Variants in SNX8 observed in about 807,000 individuals in gnomAD.
SNX8 encodes the protein sorting nexin 8.
Under a neutral mutation model 51.6 loss-of-function variants are expected in SNX8, and 25 were observed. The ratio of observed to expected loss-of-function variants is 0.48; its 90% CI spans 0.35 to 0.68. The LOEUF (loss-of-function observed/expected upper bound fraction) is 0.68. Ranked by LOEUF, SNX8 falls within the 30% of genes least tolerant of loss-of-function variation. SNX8 has a pLI of 0.00. For missense variants in SNX8, 695 were observed against 624.0 expected (o/e 1.11, Z -1.21); for synonymous variants, 324 against 277.0 (o/e 1.17, Z -1.68).
intron 1 of SNX8, among the ~76,000 whole-genome samples, chr7:2,289,208 T>C (rs1322435143): frequency 6.6e-6 from 1 of 152,134 alleles, no homozygotes; most frequent in East Asian, 1.9e-4. Flanking sequence ...CTCCCTCTGC[T>C]GCGGGGCATC....
chr7:2,286,442 C>T (rs1438085870), intron 1 of SNX8, among the ~76,000 whole-genome samples: 1 of 152,008 alleles, frequency 6.6e-6, no homozygotes, highest in African/African-American at 2.4e-5. Flanking sequence ...ATCCCTACAA[C>T]CTGTACACAT....
rs368885397 is a variant in SNX8, at chr7:2,257,789, C to G, written c.930G>C (p.Glu310Asp). 6.8e-6 allele frequency: 11 copies of G among 1,613,924 alleles called. No individual in the cohort carries two copies. The highest frequency in any genetic ancestry group is 9.3e-6 in the Non-Finnish European group (11 of 1,180,002). ...DKAAQQGKQEENDVVEKLNLF... is the reference protein window; with the variant it reads ...DKAAQQGKQEDNDVVEKLNLF... ...GGTTCAGCTTCTCCACCACGTCGTTCTCTTCCTGCTTACCCTGGAAGGCGA... is the reference window on the plus strand; with the variant it reads ...GGTTCAGCTTCTCCACCACGTCGTTGTCTTCCTGCTTACCCTGGAAGGCGA... The change falls in exon 8 of 11, where the codon GAG becomes GAC. Residue 310 changes from glutamate to aspartate, a missense_variant. By Grantham distance (45) the Glu-to-Asp change is conservative. Coordinates refer to ENST00000222990, the MANE Select transcript of SNX8 (RefSeq NM_013321.4).
At chr7:2,302,496 G>A (rs1185147050) in intron 1 of SNX8, among the ~76,000 whole-genome samples, 11 of 152,222 alleles carry the variant, frequency 7.2e-5, no homozygotes, top group Admixed American at 1.3e-4. Flanking sequence ...CCAAAGTGCC[G>A]AGATTGCAGC....
chr7:2,262,097 G>C (rs1335405668), intron 7 of SNX8, among the ~76,000 whole-genome samples: 1 of 152,202 alleles, frequency 6.6e-6, no homozygotes, highest in Non-Finnish European at 1.5e-5. Context: ...GTGTGCAGTG[G>C]CACCATCATG....
chr7:2,276,537 T>G (rs912698762), intron 2 of SNX8, among the ~76,000 whole-genome samples: 1 of 151,680 alleles, frequency 6.6e-6, no homozygotes, highest in African/African-American at 2.4e-5. Flanking sequence ...GTGCAGTGGC[T>G]CATGCCTGTG....
At chr7:2,275,024 A>G (rs1313244223) in intron 3 of SNX8, 88 bp downstream of exon 3, 3 of 899,406 alleles carry the variant, frequency 3.3e-6, no homozygotes, top group Non-Finnish European at 5.6e-6. Flanking sequence ...CCCGGTCTAC[A>G]GTGGGGTCCA....
chr7:2,332,901 A>G (rs890383444), intron 1 of SNX8, among the ~76,000 whole-genome samples: 7 of 151,692 alleles, frequency 4.6e-5, no homozygotes, highest in Non-Finnish European at 1.0e-4. Flanking sequence ...AAAAGAAAGA[A>G]AGAAAAAAGG....
intron 1 of SNX8, among the ~76,000 whole-genome samples, chr7:2,338,783 C>T (rs1363328429): frequency 6.6e-6 from 1 of 152,140 alleles, no homozygotes; most frequent in Non-Finnish European, 1.5e-5. Context: ...AAAATACTGG[C>T]AGGGTGTGGT....
In SNX8 at chr7:2,264,279, A is replaced by C. The variant is rs1795408642; in HGVS notation, c.782+19T>G. The C allele has an allele frequency of 6.2e-7, 1 of 1,600,548 alleles. No homozygotes were observed. Among genetic ancestry groups the C allele is most frequent in the Non-Finnish European group, 8.5e-7 (1 of 1,170,556 alleles). On this transcript the variant is annotated intron_variant, in intron 6 of 10. Coordinates refer to ENST00000222990, the MANE Select transcript of SNX8 (RefSeq NM_013321.4). ...CGTCCCACCGCGCGTGCCCCTGCAG[A>C]AGCTGAAAGGTCACCTACCTTAGCT...
At chr7:2,351,608 G>A (rs1056820236) in intron 1 of SNX8, among the ~76,000 whole-genome samples, 4 of 151,756 alleles carry the variant, frequency 2.6e-5, no homozygotes, top group African/African-American at 4.8e-5. Flanking sequence ...CAAGGCGGGC[G>A]GATCACGAGG....
chr7:2,342,945 C>T (rs962145076), intron 1 of SNX8, among the ~76,000 whole-genome samples: 1 of 151,820 alleles, frequency 6.6e-6, no homozygotes, highest in African/African-American at 2.4e-5. Flanking sequence ...GCCTCAGGCG[C>T]CCACCACCGG....
intron 3 of SNX8, among the ~76,000 whole-genome samples, chr7:2,273,463 G>T (rs1795696728): frequency 6.6e-6 from 1 of 151,574 alleles, no homozygotes; most frequent in African/African-American, 2.4e-5. Flanking sequence ...GCGGGCGCCT[G>T]TAGTCCCAGC....
intron 1 of SNX8, among the ~76,000 whole-genome samples, chr7:2,324,020 T>C (rs1340472015): frequency 6.6e-6 from 1 of 151,608 alleles, no homozygotes; most frequent in Admixed American, 6.6e-5. Flanking sequence ...CTTGGGAGGC[T>C]GAGGCAGGAT....
intron 5 of SNX8, among the ~76,000 whole-genome samples, chr7:2,266,937 G>A (rs1795477739): frequency 6.6e-6 from 1 of 152,236 alleles, no homozygotes; most frequent in Admixed American, 6.5e-5. Flanking sequence ...ATGTAACAAT[G>A]AATCCCCAGA....
intron 1 of SNX8, among the ~76,000 whole-genome samples, chr7:2,336,124 G>T (rs1427115111): frequency 6.7e-6 from 1 of 148,462 alleles, no homozygotes; most frequent in Admixed American, 6.7e-5. Flanking sequence ...AAAAAGGGCT[G>T]GGCACGGTGG....
At chr7:2,278,621 TCAC>T (rs1795840149) in intron 1 of SNX8, among the ~76,000 whole-genome samples, 1 of 77,852 alleles carries the variant, frequency 1.3e-5, no homozygotes, top group Non-Finnish European at 3.6e-5. Context: ...GACGCCGGAC[TCAC>T]TCACACTACG....
At chr7:2,262,884 G>A (rs1223440753) in intron 7 of SNX8, among the ~76,000 whole-genome samples, 12 of 152,312 alleles carry the variant, frequency 7.9e-5, no homozygotes, top group East Asian at 3.9e-4. Context: ...TTGGGAGGCC[G>A]AGGCGGGCAG....
At chr7:2,281,460 G>C (rs994556396) in intron 1 of SNX8, among the ~76,000 whole-genome samples, 4 of 151,840 alleles carry the variant, frequency 2.6e-5, no homozygotes, top group East Asian at 3.9e-4. Flanking sequence ...ATTTCAAATG[G>C]GTACACTGCC....
chr7:2,301,672 G>A (rs1324294010), intron 1 of SNX8, among the ~76,000 whole-genome samples: 2 of 152,210 alleles, frequency 1.3e-5, no homozygotes, highest in South Asian at 2.1e-4. Flanking sequence ...GGGCATCCAC[G>A]TGTTGCCATG....
Sources: allele counts gnomAD v4.1 joint callset (sites outside exome capture counted in the v4.1 genomes callset), GRCh38; gene constraint gnomAD v4.1.1; transcripts MANE v1.5; gene names NCBI Gene and HGNC (gene_info 2026-07-23, HGNC 2026-07-21).